Variants in C17orf78 observed in about 807,000 individuals in gnomAD.
The protein encoded by C17orf78 is chromosome 17 open reading frame 78.
Under a neutral mutation model 31.8 loss-of-function variants are expected in C17orf78, and 27 were observed. The observed-to-expected ratio is 0.85, with a 90% CI of 0.63 to 1.17. C17orf78 has a LOEUF of 1.17. Among genes scored for constraint, C17orf78 ranks in the 50% most tolerant of loss-of-function variants. The probability of loss-of-function intolerance (pLI) is 0.00; values close to 1 mark genes in which losing one functional copy is unlikely to be tolerated. For synonymous variants in C17orf78, 106 were observed against 115.1 expected, an observed-to-expected ratio of 0.92 and a Z score of 0.51; for missense variants, 258 against 315.2, an observed-to-expected ratio of 0.82 and a Z score of 1.37.
chr17:37,379,504 G>A, intron 3 of C17orf78, 122 bp downstream of exon 3: 1 of 1,298,356 alleles, frequency 7.7e-7, no homozygotes, highest in Non-Finnish European at 1.0e-6. Context: ...TGATGGGGTT[G>A]TTTGTTTTTT....
chr17:37,390,185 CAT>C (rs2050747464), intron 6 of C17orf78, among the ~76,000 whole-genome samples: 1 of 51,592 alleles, frequency 1.9e-5, no homozygotes, highest in Non-Finnish European at 3.2e-5. Context: ...TACACACACA[CAT>C]TATATATAAA....
intron 3 of C17orf78, among the ~76,000 whole-genome samples, chr17:37,383,703 C>T (rs1172932952): frequency 6.6e-6 from 1 of 152,104 alleles, no homozygotes; most frequent in Non-Finnish European, 1.5e-5. Flanking sequence ...CCACCATGCC[C>T]AGCTAATTTT....
chr17:37,390,250 ATAT>A (rs2050766165), intron 6 of C17orf78, among the ~76,000 whole-genome samples: 62 of 34,772 alleles, frequency 1.8e-3, no homozygotes, highest in African/African-American at 0.013. Flanking sequence ...TATTATATAT[ATAT>A]TATATATAAT....
chr17:37,383,775 C>A (rs1331178263), intron 3 of C17orf78, among the ~76,000 whole-genome samples: 2 of 152,186 alleles, frequency 1.3e-5, no homozygotes, highest in Non-Finnish European at 2.9e-5. Flanking sequence ...AGCTCCTGTC[C>A]TCAAGTGAGA....
intron 3 of C17orf78, among the ~76,000 whole-genome samples, chr17:37,381,484 C>A (rs568022510): frequency 6.6e-6 from 1 of 152,042 alleles, no homozygotes; most frequent in Admixed American, 6.6e-5. Flanking sequence ...CTGCGCCTGG[C>A]CAATCCCTTG....
intron 2 of C17orf78, among the ~76,000 whole-genome samples, chr17:37,378,562 A>G (rs933139654): frequency 6.6e-6 from 1 of 152,080 alleles, no homozygotes; most frequent in African/African-American, 2.4e-5. Flanking sequence ...AAGATACAAA[A>G]ATCAGCTGGA....
chr17:37,379,932 C>T (rs1486627413), intron 3 of C17orf78, among the ~76,000 whole-genome samples: 1 of 148,654 alleles, frequency 6.7e-6, no homozygotes, highest in Non-Finnish European at 1.5e-5. Context: ...TGGGTATATA[C>T]CCAAAGGACT....
In C17orf78 at chr17:37,391,825, G is replaced by A; in HGVS notation, c.*101G>A. ...ATTTCACACTTGTATCTTCAGCAGG[G>A]ACATTACAATCAAACACCAATTCCT... On this transcript the variant is annotated 3_prime_UTR_variant, in exon 7 of 7. Transcript: ENST00000615133. 9.3e-7 allele frequency: 1 copy of A among 1,073,496 alleles called. No individual in the cohort carries two copies. 66.5% of individuals were successfully genotyped at this position (1,073,496 alleles called of 1,614,324 possible). A position where few individuals can be genotyped will look rare whatever the true frequency, so the allele number is the denominator to read the frequency against.
chr17:37,381,268 C>T (rs913960979), intron 3 of C17orf78, among the ~76,000 whole-genome samples: 1 of 152,030 alleles, frequency 6.6e-6, no homozygotes, highest in African/African-American at 2.4e-5. Context: ...TCACTGCAAC[C>T]TCCTCCTCCC....
In C17orf78 at chr17:37,392,276, C is replaced by T. The variant is rs2050915280; in HGVS notation, c.*552C>T. On this transcript the variant is annotated 3_prime_UTR_variant, in exon 7 of 7. Transcript: ENST00000615133. Reference sequence around the variant, plus strand: ...TCCAAAAGCCTTCCTCATAAGTTATCCCCAAGGGGTTCAGGGACTACAGAC... The same window carrying T: ...TCCAAAAGCCTTCCTCATAAGTTATTCCCAAGGGGTTCAGGGACTACAGAC... 6.5e-6 allele frequency: 1 copy of T among 153,200 alleles called. No homozygotes were observed. The highest frequency in any genetic ancestry group is 1.5e-5 in the Non-Finnish European group (1 of 68,748). The allele number at this position is 153,200 out of a possible 1,614,324, so 9.5% of individuals were successfully genotyped here. A position where few individuals can be genotyped will look rare whatever the true frequency, so the allele number is the denominator to read the frequency against.
intron 5 of C17orf78, among the ~76,000 whole-genome samples, chr17:37,389,041 A>G (rs1352268322): frequency 6.6e-6 from 1 of 152,200 alleles, no homozygotes; most frequent in African/African-American, 2.4e-5. Flanking sequence ...TTCTGTGTGA[A>G]AGGCACCTGG....
chr17:37,377,229 G>C (rs2050039590), intron 1 of C17orf78, among the ~76,000 whole-genome samples: 2 of 152,130 alleles, frequency 1.3e-5, no homozygotes, highest in African/African-American at 4.8e-5. Flanking sequence ...TTAAGGAAAT[G>C]GGTTGGTTAG....
Position 37,378,660 on chromosome 17 carries a change from C to G in C17orf78, c.146-477C>G, listed in dbSNP as rs146739704. ...CCAGAGAGGCGGAGGTTGCAGTGAG[C>G]TGAGATTGCGCCATTGCACTCCAGC... On this transcript the variant is annotated intron_variant, in intron 2 of 6. Coordinates refer to ENST00000615133, the MANE Select transcript of C17orf78 (RefSeq NM_173625.5). 7.4e-4 allele frequency among the ~76,000 whole-genome samples: 113 copies of G among 152,322 alleles called. 1 individual carries two copies. Among genetic ancestry groups the G allele is most frequent in the African/African-American group, 2.5e-3 (106 of 41,586 alleles).
In C17orf78 at chr17:37,388,771, G is replaced by A. The variant is rs775920808; in HGVS notation, c.610G>A (p.Val204Ile). The A allele has an allele frequency of 6.2e-7, 1 of 1,613,162 alleles. No individual in the cohort carries two copies. The highest frequency in any genetic ancestry group is 8.5e-7 in the Non-Finnish European group (1 of 1,179,602). ...LLSGVAIIVF[V>I]IFEVPCPYQC... ...CAGTGGAGTTGCCATTATAGTATTT[G>A]TAATTTTTGAAGTCCCATGTCCTGT... Residue 204 changes from valine (V) to isoleucine (I), a missense_variant, in exon 5 of 7, where the codon GTA becomes ATA. Transcript: ENST00000615133.
In C17orf78 at chr17:37,391,982, G is replaced by A. The variant is rs749956955; in HGVS notation, c.*258G>A. The A allele has an allele frequency of 3.8e-4, 185 of 488,626 alleles. No homozygotes were observed. Among genetic ancestry groups the A allele is most frequent in the Middle Eastern group, 3.7e-3 (7 of 1,908 alleles). The allele number at this position is 488,626 out of a possible 1,614,324, so 30.3% of individuals were successfully genotyped here. On this transcript the variant is annotated 3_prime_UTR_variant, in exon 7 of 7. Transcript: ENST00000615133. Reference sequence around the variant, plus strand: ...CCATCCCCTCAAACGAGAACAAAAAGTATTCCCTGCAAGCACTATGAATGG... The same window carrying A: ...CCATCCCCTCAAACGAGAACAAAAAATATTCCCTGCAAGCACTATGAATGG...
chr17:37,389,359 G>T lies in C17orf78; in HGVS notation c.747G>T (p.Gln249His). 1 of 1,577,714 alleles carries T rather than the reference G, an allele frequency of 6.3e-7. No individual in the cohort carries two copies. The highest frequency in any genetic ancestry group is 8.6e-7 in the Non-Finnish European group (1 of 1,161,660). Residue 249 changes from glutamine (Q) to histidine (H), a missense_variant, in exon 6 of 7, where the codon CAG (glutamine) becomes CAT (histidine). Transcript: ENST00000615133. ...AATCCAAGCCTGACTCTCAGCCCCA[G>T]AAGGAAAGTGTTCTCTGTGTGGTTT... ...TAESKPDSQP[Q>H]KVGQDAANSS...
rs372826815 is a variant in C17orf78 at position 37,389,386 on chromosome 17, T to C, written c.750+24T>C. The C allele has an allele frequency of 1.6e-4, 248 of 1,558,180 alleles. 2 individuals are homozygous for C. The African/African-American group carries it at 2.5e-3, about 16-fold the overall frequency. On this transcript the variant is annotated intron_variant, in intron 6 of 6. Coordinates refer to ENST00000615133, the MANE Select transcript of C17orf78 (RefSeq NM_173625.5). ...AGGAAAGTGTTCTCTGTGTGGTTTA[T>C]GTCATTTGCTTAAAGAAGGTGGGGT...
chr17:37,391,516 TAACA>T lies in C17orf78; in HGVS notation c.751-128_751-125del, dbSNP rs2050885033. On this transcript the variant is annotated intron_variant, in intron 6 of 6. Transcript: ENST00000615133. ...ATACTTTCTCAGTGTAATTATCGAT[TAACA>T]AAGAGGCAAAATGAAGTGCACTTGG... is the stretch of plus-strand genomic sequence containing the variant. 1.0e-5 allele frequency: 8 copies of T among 775,752 alleles called. No homozygotes were observed. The Admixed American group carries it at 1.7e-4, about 16-fold the overall frequency. 48.1% of individuals were successfully genotyped at this position (775,752 alleles called of 1,614,324 possible).
chr17:37,390,250 AT>A lies in C17orf78; in HGVS notation c.750+889del, dbSNP rs1450422149. Among the ~76,000 whole-genome samples the A allele has an allele frequency of 0.02, 709 of 34,598 alleles. 35 individuals are homozygous for A. The East Asian group carries it at 0.38, about 19-fold the overall frequency. 22.7% of individuals were successfully genotyped at this position (34,598 alleles called of 152,430 possible). ...TAATTATATATAATATATTATATAT[AT>A]ATTATATATAATTATATATAATATA... On this transcript the variant is annotated intron_variant, in intron 6 of 6. Coordinates refer to ENST00000615133, the MANE Select transcript of C17orf78 (RefSeq NM_173625.5).
Sources: gnomAD v4.1 joint callset for allele counts (sites outside exome capture counted in the v4.1 genomes callset) on GRCh38, gnomAD v4.1.1 for gene constraint, MANE v1.5 for transcripts, NCBI Gene and HGNC (gene_info 2026-07-23, HGNC 2026-07-21) for gene names.